The following RFX4 variants were observed in gnomAD, a reference collection of about 807,000 sequenced individuals.
RFX4 encodes the protein regulatory factor X4, also known as transcription factor RFX4.
RFX4 carries 10 observed loss-of-function variants against 95.0 expected under a neutral mutation model. The observed-to-expected ratio is 0.11, with a 90% confidence interval of 0.06 to 0.18. RFX4 has a LOEUF of 0.18. RFX4 is among the 10% of genes least tolerant of loss of function. The pLI is 1.00. For synonymous variants in RFX4, 321 were observed against 340.7 expected (o/e 0.94, Z 0.64); for missense variants, 640 against 922.0 (o/e 0.69, Z 3.96).
chr12:106,703,596 C>T (rs1346841748), intron 8 of RFX4, among the ~76,000 whole-genome samples: 3 of 152,314 alleles, frequency 2.0e-5, no homozygotes, highest in African/African-American at 4.8e-5. Flanking sequence ...TAAAACACAT[C>T]TTTATAAGAA....
intron 4 of RFX4, among the ~76,000 whole-genome samples, chr12:106,671,618 G>A (rs1226001313): frequency 6.6e-6 from 1 of 152,082 alleles, no homozygotes; most frequent in African/African-American, 2.4e-5. Context: ...TGTAAAGTGA[G>A]ATCATCATAC....
At chr12:106,732,391 C>A (rs554698869) in intron 14 of RFX4, 142 bp downstream of exon 14, 12 of 1,229,408 alleles carry the variant, frequency 9.8e-6, no homozygotes, top group Middle Eastern at 2.1e-4. Flanking sequence ...CCAATCATGT[C>A]TTTTTCCTCT....
intron 3 of RFX4, among the ~76,000 whole-genome samples, chr12:106,641,967 C>CTATATCTATCTATATCTA (rs371927014): frequency 1.3e-3 from 169 of 135,032 alleles, no homozygotes; most frequent in Admixed American, 2.0e-3. Flanking sequence ...ATATCTATAT[C>CTATATCTATCTATATCTA]TATCTATATC....
rs188626560 is a variant in RFX4, at chr12:106,721,268, C to T, written c.1351+392C>T. 7.2e-5 allele frequency among the ~76,000 whole-genome samples: 11 copies of T among 152,314 alleles called. No homozygotes were observed. The East Asian group carries it at 2.1e-3, about 29-fold the overall frequency. ...TCTGAGTTTGAACACTTGCAAATGG[C>T]TTGATTGACCATACTCTTGCTGTGG... On this transcript the variant is annotated intron_variant, in intron 13 of 17. Transcript: ENST00000392842.
intron 1 of RFX4, among the ~76,000 whole-genome samples, chr12:106,606,243 G>A (rs1332030155): frequency 6.6e-6 from 1 of 152,168 alleles, no homozygotes; most frequent in East Asian, 1.9e-4. Flanking sequence ...AGTTCCTGAT[G>A]AAAGGGGGAT....
chr12:106,741,996 C>T (rs1486455707), intron 15 of RFX4, among the ~76,000 whole-genome samples: 1 of 152,164 alleles, frequency 6.6e-6, no homozygotes, highest in Non-Finnish European at 1.5e-5. Context: ...CCACCACTCA[C>T]CTCTTGTGCG....
intron 2 of RFX4, among the ~76,000 whole-genome samples, chr12:106,617,362 A>G (rs2040094096): frequency 6.6e-6 from 1 of 152,204 alleles, no homozygotes; most frequent in South Asian, 2.1e-4. Context: ...TTTCTAAGAT[A>G]TACATTTAAA....
At position 106,654,367 on chromosome 12, in the gene RFX4, T is replaced by TCAGGCTTGTCCTCC. The variant is rs759520137; in HGVS notation, c.315+18_315+31dup. 4.3e-6 allele frequency: 7 copies of TCAGGCTTGTCCTCC among 1,611,874 alleles called. No homozygotes were observed. The Admixed American group carries it at 1.2e-4, about 27-fold the overall frequency. On this transcript the variant is annotated intron_variant, in intron 4 of 17. Transcript: ENST00000392842. ...CTTTGGAAAGGTGAGTCCAGCCTCA[T>TCAGGCTTGTCCTCC]CAGGCTTGTCCTCCCTACCACCCCA...
At chr12:106,689,387 G>C (rs760458025) in intron 7 of RFX4, 23 bp downstream of exon 7, 3 of 1,554,666 alleles carry the variant, frequency 1.9e-6, no homozygotes, top group Non-Finnish European at 2.7e-6. Context: ...GGGTTGAGCT[G>C]TGAATACTCG....
intron 1 of RFX4, among the ~76,000 whole-genome samples, chr12:106,597,682 A>C (rs1382007318): frequency 1.3e-5 from 2 of 152,286 alleles, no homozygotes; most frequent in South Asian, 2.1e-4. Context: ...CATGGTCTTA[A>C]CTATTATACT....
Position 106,586,601 on chromosome 12 carries a change from TC to T in RFX4, c.43+3241del, listed in dbSNP as rs1242243057. On this transcript the variant is annotated intron_variant, in intron 1 of 17. Transcript: ENST00000392842. The surrounding 1 kb of genome is among the most constrained non-coding windows in gnomAD (Gnocchi z 5.6). ...ACTTCTGCCTCCATCCACTTTCCGC[TC>T]CCATCTCCAGAACCCAGAGCTGAGG... 6.6e-6 allele frequency among the ~76,000 whole-genome samples: 1 copy of T among 152,032 alleles called. No individual in the cohort carries two copies. The highest frequency in any genetic ancestry group is 1.5e-5 in the Non-Finnish European group (1 of 67,998).
In RFX4 at chr12:106,608,855, A is replaced by G. The variant is rs774933300; in HGVS notation, c.102A>G (p.Thr34=). ...AAAACAAACGTTATTCCAGCCACAC[A>G]TCTCTGGGGAATGTTTCTAATGATG... is the stretch of plus-strand genomic sequence containing the variant. The part of the protein sequence containing the change: ...ESENKRYSSH[T]SLGNVSNDEN... The change falls in exon 2 of 18, where the codon ACA becomes ACG. Residue 34 remains threonine (T), a synonymous_variant. Coordinates refer to ENST00000392842, the MANE Select transcript of RFX4 (RefSeq NM_213594.3). The G allele has an allele frequency of 1.3e-5, 21 of 1,611,194 alleles. No homozygotes were observed. Among genetic ancestry groups the G allele is most frequent in the South Asian group, 2.2e-5 (2 of 90,598 alleles).
chr12:106,654,556 T>C (rs955007881), intron 4 of RFX4, among the ~76,000 whole-genome samples: 1 of 152,220 alleles, frequency 6.6e-6, no homozygotes, highest in Non-Finnish European at 1.5e-5. Context: ...AAATTCAATG[T>C]CTCACTTGAA....
intron 13 of RFX4, among the ~76,000 whole-genome samples, chr12:106,729,458 T>C (rs1023427471): frequency 2.0e-5 from 3 of 152,214 alleles, no homozygotes; most frequent in African/African-American, 7.2e-5. Flanking sequence ...TTCTGTAATG[T>C]ACATTTTACT....
In RFX4 at chr12:106,588,871, A is replaced by G. The variant is rs77173030; in HGVS notation, c.43+5508A>G. Among the ~76,000 whole-genome samples, 193 of 152,242 alleles carry G rather than the reference A, an allele frequency of 1.3e-3. 3 individuals carry two copies. In the East Asian group the frequency reaches 0.033, roughly 26 times the overall value. On this transcript the variant is annotated intron_variant, in intron 1 of 17. Transcript: ENST00000392842. Reference sequence around the variant, plus strand: ...ATAGGGTTTTTCTTTCATTTCCAACATTTTAAGACTGATTTCTAAGCCAAG... The same window carrying G: ...ATAGGGTTTTTCTTTCATTTCCAACGTTTTAAGACTGATTTCTAAGCCAAG...
chr12:106,740,607 C>A (rs1186784512), intron 15 of RFX4, among the ~76,000 whole-genome samples: 2 of 152,074 alleles, frequency 1.3e-5, no homozygotes, highest in Non-Finnish European at 2.9e-5. Context: ...TATTTCGTGT[C>A]TAATTTGTAC....
chr12:106,587,870 T>A (rs532602723), intron 1 of RFX4, among the ~76,000 whole-genome samples: 5 of 152,284 alleles, frequency 3.3e-5, no homozygotes, highest in African/African-American at 1.2e-4. Context: ...CGAGTGGGGA[T>A]GGGTAAAGAG....
At chr12:106,631,233 T>C (rs2040410559) in intron 2 of RFX4, among the ~76,000 whole-genome samples, 2 of 152,180 alleles carry the variant, frequency 1.3e-5, no homozygotes, top group African/African-American at 4.8e-5. Context: ...GGTACTGCTG[T>C]TTTGTATGCT....
intron 1 of RFX4, among the ~76,000 whole-genome samples, chr12:106,589,447 T>G (rs757685654): frequency 1.1e-4 from 17 of 152,230 alleles, no homozygotes; most frequent in Non-Finnish European, 2.1e-4. Context: ...ATGCTCTCTC[T>G]TGCTGAGTAC....
Sources: allele counts gnomAD v4.1 joint callset (sites outside exome capture counted in the v4.1 genomes callset), GRCh38; gene constraint gnomAD v4.1.1; non-coding constraint Gnocchi (gnomAD v3.1); transcripts MANE v1.5; gene names NCBI Gene and HGNC (gene_info 2026-07-23, HGNC 2026-07-21).